NDUFA8: variants seen among roughly 807,000 people sequenced by gnomAD.
NDUFA8 encodes the protein NADH:ubiquinone oxidoreductase subunit A8.
NDUFA8 carries 16 observed loss-of-function variants against 20.9 expected under a neutral mutation model. The observed-to-expected ratio is 0.77, with a 90% confidence interval of 0.52 to 1.16. The LOEUF is 1.16. Ranked by LOEUF, NDUFA8 falls within the 50% of genes most tolerant of loss-of-function variation. The probability of loss-of-function intolerance (pLI) is 0.00; values close to 1 mark genes in which losing one functional copy is unlikely to be tolerated. For synonymous variants in NDUFA8, 70 were observed against 76.1 expected (o/e 0.92, Z 0.41); for missense variants, 202 against 216.4 (o/e 0.93, Z 0.42).
chr9:122,152,214 C>G, intron 2 of NDUFA8, 31 bp downstream of exon 2: 2 of 1,613,844 alleles, frequency 1.2e-6, no homozygotes, highest in Non-Finnish European at 8.5e-7. Context: ...TATGCTTCAA[C>G]CAAGTAGGCA....
chr9:122,158,753 A>G (rs182599732), intron 1 of NDUFA8, among the ~76,000 whole-genome samples: 1 of 148,998 alleles, frequency 6.7e-6, no homozygotes, highest in African/African-American at 2.5e-5. Context: ...ATATATATAT[A>G]TGGTATATAT....
chr9:122,152,882 G>T (rs1481568696), intron 1 of NDUFA8, among the ~76,000 whole-genome samples: 2 of 152,160 alleles, frequency 1.3e-5, no homozygotes, highest in Non-Finnish European at 2.9e-5. Context: ...GAGAAAAGGG[G>T]TGTAGAGAAG....
intron 2 of NDUFA8, among the ~76,000 whole-genome samples, chr9:122,150,217 T>C (rs984000844): frequency 5.9e-5 from 9 of 151,582 alleles, no homozygotes; most frequent in Middle Eastern, 3.2e-3. Flanking sequence ...GATCAGGAGA[T>C]TGAGACCATG....
chr9:122,146,368 A>G (rs1303720289), intron 3 of NDUFA8, among the ~76,000 whole-genome samples: 1 of 152,240 alleles, frequency 6.6e-6, no homozygotes, highest in African/African-American at 2.4e-5. Flanking sequence ...CTTTCTTACT[A>G]GCATGACTTG....
At chr9:122,152,474 C>G (rs1036427665) in intron 1 of NDUFA8, 66 bp from the exon 2 acceptor site, 2 of 1,511,992 alleles carry the variant, frequency 1.3e-6, no homozygotes, top group African/African-American at 2.7e-5. Context: ...CTCAGCTTTA[C>G]CTCATGCGGG....
downstream of NDUFA8, chr9:122,143,959 C>T: frequency 1.1e-6 from 1 of 887,300 alleles, no homozygotes; most frequent in Non-Finnish European, 1.5e-6. Flanking sequence ...GTGCCTAAAG[C>T]AAAGCAAGAG....
At chr9:122,152,874 G>A (rs968843461) in intron 1 of NDUFA8, among the ~76,000 whole-genome samples, 10 of 152,148 alleles carry the variant, frequency 6.6e-5, no homozygotes, top group African/African-American at 2.4e-4. Context: ...ATGGTAGAGA[G>A]AAAAGGGGTG....
At chr9:122,156,211 T>C (rs1020085174) in intron 1 of NDUFA8, among the ~76,000 whole-genome samples, 1 of 152,208 alleles carries the variant, frequency 6.6e-6, no homozygotes, top group African/African-American at 2.4e-5. Flanking sequence ...GATCTCTTTG[T>C]CTCAAACAAC....
At chr9:122,153,439 T>TAAAATCTGCAAATTTTTTA (rs1277049682) in intron 1 of NDUFA8, among the ~76,000 whole-genome samples, 6 of 80,060 alleles carry the variant, frequency 7.5e-5, no homozygotes, top group African/African-American at 4.8e-5. Context: ...AATAAAGTAC[T>TAAAATCTGCAAATTTTTTA]AAAATCTGCA....
chr9:122,143,526 T>C (rs375785121), downstream of NDUFA8, among the ~76,000 whole-genome samples: 1 of 152,146 alleles, frequency 6.6e-6, no homozygotes, highest in African/African-American at 2.4e-5. Flanking sequence ...ACACCCAAGG[T>C]TGGAATTGAC....
Position 122,144,344 on chromosome 9 carries a change from T to C in NDUFA8, c.416A>G (p.Glu139Gly). ...TKVKTDRPLPENPYHSRPRPD... is the reference protein window; with the variant it reads ...TKVKTDRPLPGNPYHSRPRPD... ...TCTTGGTCTTGAGTGATAGGGATTC[T>C]CCGGTAAAGGTCGATCTGTTTTCAC... Residue 139 changes from glutamate to glycine, a missense_variant, in exon 4 of 4, where the codon GAG becomes GGG. By Grantham distance (98) the Glu-to-Gly change is moderately conservative. Coordinates refer to ENST00000373768, the MANE Select transcript of NDUFA8 (RefSeq NM_014222.3). 6.2e-7 allele frequency: 1 copy of C among 1,614,156 alleles called. No individual in the cohort carries two copies. The highest frequency in any genetic ancestry group is 8.5e-7 in the Non-Finnish European group (1 of 1,180,012).
chr9:122,150,022 A>T (rs1828968349), intron 2 of NDUFA8, among the ~76,000 whole-genome samples: 1 of 152,218 alleles, frequency 6.6e-6, no homozygotes, highest in Non-Finnish European at 1.5e-5. Flanking sequence ...CAATCAAATC[A>T]ATGCAAATTG....
the NDUFA8 span, among the ~76,000 whole-genome samples, chr9:122,133,359 G>A: frequency 6.6e-6 from 1 of 152,190 alleles, no homozygotes; most frequent in South Asian, 2.1e-4. Flanking sequence ...AAGGTGCTTA[G>A]ACTCAGAAGT....
chr9:122,137,262 A>G, the NDUFA8 span, among the ~76,000 whole-genome samples: 2 of 31,108 alleles, frequency 6.4e-5, no homozygotes, highest in Admixed American at 6.6e-4. Flanking sequence ...TTTTTTTGAG[A>G]CAGAGTCTCA....
the NDUFA8 span, among the ~76,000 whole-genome samples, chr9:122,132,552 G>A: frequency 3.3e-5 from 5 of 152,172 alleles, no homozygotes; most frequent in East Asian, 7.8e-4. Context: ...TCCCTCCTCA[G>A]TAGAAAGAGC....
chr9:122,143,574 G>C (rs939422995), downstream of NDUFA8, among the ~76,000 whole-genome samples: 1 of 152,188 alleles, frequency 6.6e-6, no homozygotes, highest in African/African-American at 2.4e-5. Context: ...GGAGCTGGAA[G>C]TTCAGCCTCC....
Position 122,152,368 on chromosome 9 carries a change from T to C in NDUFA8, c.92A>G (p.His31Arg). The C allele has an allele frequency of 6.2e-7, 1 of 1,614,102 alleles. No individual in the cohort carries two copies. ...GGGCTTATCACATTGAGCTCCATAG[T>C]GATGGGCCGCAGCTTTAAGCACAGC... is the stretch of plus-strand genomic sequence containing the variant. ...SSAVLKAAAH[H>R]YGAQCDKPNK... Residue 31 changes from histidine to arginine, a missense_variant, in exon 2 of 4, where the codon CAC becomes CGC. Coordinates refer to ENST00000373768, the MANE Select transcript of NDUFA8 (RefSeq NM_014222.3).
chr9:122,140,448 T>C (rs936196014), downstream of NDUFA8, among the ~76,000 whole-genome samples: 6 of 152,356 alleles, frequency 3.9e-5, no homozygotes, highest in African/African-American at 1.4e-4. Context: ...AAGATGGCAA[T>C]GTAACCTCAA....
rs1035578771 is a variant in NDUFA8, at chr9:122,150,345, A to G, written c.215+1900T>C. Among the ~76,000 whole-genome samples, 6 of 136,518 alleles carry G rather than the reference A, an allele frequency of 4.4e-5. No individual in the cohort carries two copies. In the East Asian group the frequency reaches 1.5e-3, roughly 33 times the overall value. The allele number at this position is 136,518 out of a possible 152,430, so 89.6% of individuals were successfully genotyped here. ...AGAATGGCGCGAACCCGGGAGGCGG[A>G]GCTTGCAGTAAGCCAAGATCGTGCT... On this transcript the variant is annotated intron_variant, in intron 2 of 3. Coordinates refer to ENST00000373768, the MANE Select transcript of NDUFA8 (RefSeq NM_014222.3).
Sources: allele counts gnomAD v4.1 joint callset (sites outside exome capture counted in the v4.1 genomes callset), GRCh38; gene constraint gnomAD v4.1.1; transcripts MANE v1.5; gene names NCBI Gene and HGNC (gene_info 2026-07-23, HGNC 2026-07-21).